The following TRIO variants were observed in gnomAD, a reference collection of about 807,000 sequenced individuals.
TRIO encodes triple functional domain protein.
Under a neutral mutation model 351.9 loss-of-function variants are expected in TRIO, and 58 were observed. That is an observed-to-expected ratio of 0.16 (90% CI 0.13 to 0.21). The LOEUF is 0.21. Among genes scored for constraint, TRIO ranks in the 10% least tolerant of loss-of-function variants. The pLI, the probability that TRIO is intolerant of heterozygous loss-of-function variation, is 1.00. For synonymous variants in TRIO, 1,758 were observed against 1,595.7 expected (o/e 1.10, Z -2.42); for missense variants, 3,201 against 4,027.8 (o/e 0.79, Z 5.56).
At chr5:14,244,888 G>A (rs917801466) in intron 1 of TRIO, among the ~76,000 whole-genome samples, 9 of 152,188 alleles carry the variant, frequency 5.9e-5, no homozygotes, top group African/African-American at 2.2e-4. Context: ...TCTGTGAGAG[G>A]CATAGGCAGA....
chr5:14,199,804 C>T (rs1790993979), intron 1 of TRIO, among the ~76,000 whole-genome samples: 1 of 152,196 alleles, frequency 6.6e-6, no homozygotes, highest in South Asian at 2.1e-4. Context: ...TGTCCTGGGT[C>T]TGACCATTGC....
intron 9 of TRIO, among the ~76,000 whole-genome samples, chr5:14,330,010 G>A (rs550017714): frequency 1.3e-5 from 2 of 152,288 alleles, no homozygotes; most frequent in Admixed American, 1.3e-4. Context: ...CATAAAAGTG[G>A]ACCTGTGTAT....
intron 1 of TRIO, among the ~76,000 whole-genome samples, chr5:14,149,426 C>T (rs1210094504): frequency 6.6e-6 from 1 of 152,212 alleles, no homozygotes; most frequent in Non-Finnish European, 1.5e-5. Flanking sequence ...AATTTGCTTA[C>T]TGAATAGTTG....
intron 1 of TRIO, among the ~76,000 whole-genome samples, chr5:14,199,832 A>C (rs970370483): frequency 6.6e-6 from 1 of 152,174 alleles, no homozygotes; most frequent in Non-Finnish European, 1.5e-5. Context: ...TGGTTTCTTC[A>C]GTTGGAAGTA....
At chr5:14,420,304 C>T in intron 34 of TRIO, 1 of 386,282 alleles carries the variant, frequency 2.6e-6, no homozygotes, top group Non-Finnish European at 4.7e-6. Context: ...TGGAACATTC[C>T]AGTTGCTTCC....
intron 20 of TRIO, among the ~76,000 whole-genome samples, chr5:14,379,264 C>T (rs1467828904): frequency 1.3e-5 from 2 of 152,236 alleles, no homozygotes; most frequent in African/African-American, 4.8e-5. Flanking sequence ...CAGCTTGCAA[C>T]CTCATATGCA....
intron 1 of TRIO, among the ~76,000 whole-genome samples, chr5:14,257,425 C>CT (rs1795085306): frequency 6.6e-6 from 1 of 151,964 alleles, no homozygotes. Flanking sequence ...AGTTAGTAGT[C>CT]TCTTCCAGGA....
At chr5:14,234,715 A>G (rs1482302568) in intron 1 of TRIO, among the ~76,000 whole-genome samples, 1 of 152,258 alleles carries the variant, frequency 6.6e-6, no homozygotes, top group African/African-American at 2.4e-5. Context: ...GTATTAGCCT[A>G]TTTCACAGAA....
chr5:14,298,693 A>G (rs901577725), intron 7 of TRIO, among the ~76,000 whole-genome samples: 3 of 152,206 alleles, frequency 2.0e-5, no homozygotes, highest in African/African-American at 4.8e-5. Context: ...AGTATAAAGC[A>G]AGAGAGGAAG....
chr5:14,269,412 G>T (rs1209067164), intron 1 of TRIO, among the ~76,000 whole-genome samples: 2 of 152,248 alleles, frequency 1.3e-5, no homozygotes, highest in Non-Finnish European at 2.9e-5. Flanking sequence ...GCTTTAGCAG[G>T]CATGTAATTT....
intron 21 of TRIO, 33 bp downstream of exon 21, chr5:14,381,285 C>G (rs769849021): frequency 6.4e-7 from 1 of 1,559,680 alleles, no homozygotes; most frequent in Non-Finnish European, 8.6e-7. Flanking sequence ...ATAGTGGCCT[C>G]TAAGTCGAAA....
rs80132931 is a variant in TRIO at position 14,399,357 on chromosome 5, C to T, written c.4614+287C>T. 5.3e-3 allele frequency: 2,324 copies of T among 439,880 alleles called. 50 individuals carry two copies. The highest frequency in any genetic ancestry group is 0.041 in the African/African-American group (2,060 of 50,546). The allele number at this position is 439,880 out of a possible 1,614,324, so 27.2% of individuals were successfully genotyped here. Reference sequence around the variant, plus strand: ...TTTCATAAGTGAAATCATTTATCTCCGGTGTGCTTAACTAGCTTTATAAAT... The same window carrying T: ...TTTCATAAGTGAAATCATTTATCTCTGGTGTGCTTAACTAGCTTTATAAAT... On this transcript the variant is annotated intron_variant, in intron 30 of 56. Coordinates refer to ENST00000344204, the MANE Select transcript of TRIO (RefSeq NM_007118.4).
intron 21 of TRIO, among the ~76,000 whole-genome samples, chr5:14,384,546 A>G (rs1746377810): frequency 6.6e-6 from 1 of 152,206 alleles, no homozygotes; most frequent in Admixed American, 6.5e-5. Flanking sequence ...AAGATGTAAG[A>G]ATTTTTTTTA....
intron 1 of TRIO, among the ~76,000 whole-genome samples, chr5:14,191,074 G>A (rs1348009897): frequency 6.6e-6 from 1 of 151,132 alleles, no homozygotes; most frequent in Non-Finnish European, 1.5e-5. Context: ...GACCTCAGTG[G>A]GAGGGACATG....
intron 34 of TRIO, among the ~76,000 whole-genome samples, chr5:14,435,917 G>A (rs1751550329): frequency 6.6e-6 from 1 of 152,158 alleles, no homozygotes; most frequent in Non-Finnish European, 1.5e-5. Flanking sequence ...CTCCTGGTCC[G>A]TTTTGTTGGA....
Position 14,497,008 on chromosome 5 carries a change from A to G in TRIO, c.8010A>G (p.Val2670=), listed in dbSNP as rs140473514. 47 of 1,614,204 alleles carry G rather than the reference A, an allele frequency of 2.9e-5. No individual in the cohort carries two copies. In the Middle Eastern group the frequency reaches 6.6e-4, roughly 23 times the overall value. Residue 2670 remains valine (V), a synonymous_variant, in exon 50 of 57, where the codon GTA becomes GTG. Transcript: ENST00000344204. The surrounding 1 kb of genome is among the most constrained non-coding windows in gnomAD (Gnocchi z 4.4). The stretch of plus-strand genomic sequence containing the variant: ...CACGGGAAGGACTCAGCAACAAGGT[A>G]TCTGTGAAGGTGTGTTCGGGGGTCT... ...RKSREGLSNK[V]SVKLLNPNYI...
At chr5:14,260,513 A>G (rs144728042) in intron 1 of TRIO, among the ~76,000 whole-genome samples, 844 of 152,358 alleles carry the variant, frequency 5.5e-3, no homozygotes, top group Non-Finnish European at 8.2e-3. Flanking sequence ...AAGCTTTATC[A>G]AGGGACTGAC....
intron 1 of TRIO, among the ~76,000 whole-genome samples, chr5:14,219,974 ATTT>A (rs34731809): frequency 7.7e-6 from 1 of 129,364 alleles, no homozygotes; most frequent in Admixed American, 7.6e-5. Flanking sequence ...ATGTACAGGC[ATTT>A]TTTTTTTTTT....
At position 14,482,661 on chromosome 5, in the gene TRIO, G is replaced by C; in HGVS notation, c.6545G>C (p.Arg2182Pro). ...VTDQDAGLLP[R>P]CRERRIFLFE... ...GACCAAGATGCAGGACTTCTGCCTC[G>C]CTGCAGAGAGAGGCGCATCTTCCTC... Residue 2182 changes from arginine to proline, a missense_variant, in exon 46 of 57, where the codon CGC becomes CCC. Physicochemically the swap from Arg to Pro is moderately radical, Grantham distance 103. Around this residue, in one of 19 missense-constraint regions of TRIO, gnomAD observed 1,089 missense variants for 954.9 expected, o/e 1.14. Coordinates refer to ENST00000344204, the MANE Select transcript of TRIO (RefSeq NM_007118.4). 1.2e-6 allele frequency: 2 copies of C among 1,608,422 alleles called. No homozygotes were observed. The highest frequency in any genetic ancestry group is 1.7e-6 in the Non-Finnish European group (2 of 1,176,328).
Sources: gnomAD v4.1 joint callset for allele counts (sites outside exome capture counted in the v4.1 genomes callset) on GRCh38, gnomAD v4.1.1 for gene constraint, gnomAD v4.1.1 regional missense constraint, Gnocchi (gnomAD v3.1) non-coding constraint, MANE v1.5 for transcripts, NCBI Gene and HGNC (gene_info 2026-07-23, HGNC 2026-07-21) for gene names.